NECTIN3: variants seen among roughly 807,000 people sequenced by gnomAD.
The protein encoded by NECTIN3 is nectin cell adhesion molecule 3.
In NECTIN3, 8 loss-of-function variants were observed where a neutral mutation model predicts 49.4. The ratio of observed to expected loss-of-function variants is 0.16; its 90% CI spans 0.10 to 0.29. The LOEUF is 0.29. Among genes scored for constraint, NECTIN3 ranks in the 10% least tolerant of loss-of-function variants. The pLI is 1.00. For synonymous variants in NECTIN3, 277 were observed against 241.1 expected (o/e 1.15, Z -1.38); for missense variants, 581 against 654.6 (o/e 0.89, Z 1.23).
chr3:111,188,091 A>T (rs1344873264), upstream of NECTIN3, among the ~76,000 whole-genome samples: 12 of 152,190 alleles, frequency 7.9e-5, no homozygotes, highest in Admixed American at 7.9e-4. Context: ...ACTTAAAACC[A>T]CTAAAAAATA....
intron 1 of NECTIN3, among the ~76,000 whole-genome samples, chr3:111,091,735 G>T (rs2032284413): frequency 6.6e-6 from 1 of 152,086 alleles, no homozygotes; most frequent in Admixed American, 6.5e-5. Context: ...CTGCTTTGGG[G>T]TTATTATAAA....
intron 7 of NECTIN3, among the ~76,000 whole-genome samples, chr3:111,174,871 CAGA>C (rs1433246490): frequency 2.6e-5 from 4 of 152,166 alleles, no homozygotes; most frequent in Non-Finnish European, 5.9e-5. Context: ...TCTGCAAGGG[CAGA>C]AGGCCAGTGT....
chr3:111,145,404 A>G (rs1274204718), intron 6 of NECTIN3, among the ~76,000 whole-genome samples: 1 of 152,198 alleles, frequency 6.6e-6, no homozygotes, highest in African/African-American at 2.4e-5. Flanking sequence ...TGGCTTCTTC[A>G]TATTGTATAT....
intron 1 of NECTIN3, among the ~76,000 whole-genome samples, chr3:111,095,979 C>A (rs1302064963): frequency 6.6e-6 from 1 of 152,098 alleles, no homozygotes; most frequent in East Asian, 1.9e-4. Flanking sequence ...TGAAAAGATG[C>A]CTGAACATGT....
intron 1 of NECTIN3, chr3:111,193,339 C>G: frequency 6.5e-7 from 1 of 1,535,780 alleles, no homozygotes. Flanking sequence ...AATAACGACC[C>G]TAAGAGAGTC....
chr3:111,090,908 C>T (rs2032228789), intron 1 of NECTIN3, among the ~76,000 whole-genome samples: 1 of 145,528 alleles, frequency 6.9e-6, no homozygotes, highest in Non-Finnish European at 1.5e-5. Context: ...TTAACTTTAT[C>T]CTCATTCCGC....
intron 5 of NECTIN3, among the ~76,000 whole-genome samples, chr3:111,144,310 T>C (rs1174794415): frequency 6.6e-6 from 1 of 152,038 alleles, no homozygotes; most frequent in African/African-American, 2.4e-5. Context: ...AGAGAAGCTA[T>C]TTTTAGTGCA....
At chr3:111,125,642 G>C (rs908370007) in intron 4 of NECTIN3, among the ~76,000 whole-genome samples, 2 of 152,162 alleles carry the variant, frequency 1.3e-5, no homozygotes, top group African/African-American at 4.8e-5. Context: ...TATTTTATAG[G>C]AAGACCCATT....
At chr3:111,082,207 A>G (rs1222426629) in intron 1 of NECTIN3, among the ~76,000 whole-genome samples, 1 of 152,152 alleles carries the variant, frequency 6.6e-6, no homozygotes, top group Non-Finnish European at 1.5e-5. Flanking sequence ...TCAATCCAGT[A>G]AGGTTTCACA....
intron 1 of NECTIN3, among the ~76,000 whole-genome samples, chr3:111,090,061 A>G (rs533518247): frequency 1.1e-4 from 16 of 152,268 alleles, no homozygotes; most frequent in African/African-American, 2.9e-4. Flanking sequence ...ATATAGCTAC[A>G]TAAGTTTATT....
intron 1 of NECTIN3, among the ~76,000 whole-genome samples, chr3:111,104,469 C>T (rs534009444): frequency 3.3e-5 from 5 of 151,930 alleles, no homozygotes; most frequent in South Asian, 4.2e-4. Context: ...TACAGGCGTA[C>T]ACCAACACGT....
intron 5 of NECTIN3, among the ~76,000 whole-genome samples, chr3:111,142,765 A>G (rs938343722): frequency 6.6e-6 from 1 of 151,814 alleles, no homozygotes; most frequent in East Asian, 1.9e-4. Flanking sequence ...AGCCCCACTC[A>G]AAGAGTAACA....
intron 2 of NECTIN3, among the ~76,000 whole-genome samples, chr3:111,113,574 G>T (rs2033563142): frequency 6.6e-6 from 1 of 152,144 alleles, no homozygotes; most frequent in South Asian, 2.1e-4. Flanking sequence ...TTAAGACACT[G>T]CCCTAAGAGC....
intron 7 of NECTIN3, among the ~76,000 whole-genome samples, chr3:111,151,185 G>A (rs1380484430): frequency 2.6e-5 from 4 of 151,934 alleles, no homozygotes; most frequent in Non-Finnish European, 4.4e-5. Context: ...AGCATGCAGC[G>A]TGATGTTTTA....
intron 7 of NECTIN3, among the ~76,000 whole-genome samples, chr3:111,187,178 A>G (rs931664538): frequency 3.2e-4 from 49 of 152,254 alleles, no homozygotes; most frequent in African/African-American, 1.1e-3. Flanking sequence ...TGGGAGGATC[A>G]TTTGACACCA....
chr3:111,145,752 T>A (rs1474131670), intron 6 of NECTIN3, among the ~76,000 whole-genome samples: 1 of 152,232 alleles, frequency 6.6e-6, no homozygotes, highest in Non-Finnish European at 1.5e-5. Flanking sequence ...TGTGAAGCTC[T>A]TTACAAACGG....
At chr3:111,130,809 G>A (rs1372169058) in intron 5 of NECTIN3, among the ~76,000 whole-genome samples, 3 of 152,004 alleles carry the variant, frequency 2.0e-5, no homozygotes, top group Admixed American at 2.0e-4. Flanking sequence ...GTAGCTCTTT[G>A]ACTAGTACTT....
Position 111,148,890 on chromosome 3 carries a change from G to C in NECTIN3, c.1221+1406G>C, listed in dbSNP as rs201886771. On this transcript the variant is annotated intron_variant, in intron 7 of 8. Coordinates refer to the NECTIN3 transcript ENST00000493615. ...TAAAAATCTGTTTGTCTCTTTGCTTGTATTTGTTGGAAGTTCTGTATTGTC... is the reference window on the plus strand; with the variant it reads ...TAAAAATCTGTTTGTCTCTTTGCTTCTATTTGTTGGAAGTTCTGTATTGTC... Among the ~76,000 whole-genome samples the C allele has an allele frequency of 7.9e-5, 12 of 152,044 alleles. No individual in the cohort carries two copies. In the East Asian group the frequency reaches 2.3e-3, roughly 29 times the overall value.
At chr3:111,116,888 C>G (rs1389555887) in intron 2 of NECTIN3, among the ~76,000 whole-genome samples, 8 of 151,928 alleles carry the variant, frequency 5.3e-5, no homozygotes, top group Admixed American at 5.2e-4. Flanking sequence ...TATGGACCAG[C>G]AGGAGCTCTA....
Sources: gnomAD v4.1 joint callset for allele counts (sites outside exome capture counted in the v4.1 genomes callset) on GRCh38, gnomAD v4.1.1 for gene constraint, MANE v1.5 for transcripts, NCBI Gene and HGNC (gene_info 2026-07-23, HGNC 2026-07-21) for gene names.